The following GATD1 variants were observed in gnomAD, a reference collection of about 807,000 sequenced individuals.
GATD1 encodes the protein glutamine amidotransferase class 1 domain containing 1, also known as glutamine amidotransferase-like class 1 domain-containing protein 1.
Under a neutral mutation model 25.9 loss-of-function variants are expected in GATD1, and 23 were observed. The ratio of observed to expected loss-of-function variants is 0.89; its 90% CI spans 0.64 to 1.26. The LOEUF (loss-of-function observed/expected upper bound fraction) is 1.26, where lower values mean the gene tolerates loss of function less well. GATD1 is among the 50% of genes most tolerant of loss of function. The probability of loss-of-function intolerance (pLI) is 0.00; values close to 1 mark genes in which losing one functional copy is unlikely to be tolerated. For synonymous variants in GATD1, 177 were observed against 134.6 expected (o/e 1.31, Z -2.18); for missense variants, 347 against 312.5 (o/e 1.11, Z -0.83).
rs967847317 is a variant in GATD1, at chr11:767,629, C to T, written c.*3268G>A. 16 of 1,331,518 alleles carry T rather than the reference C, an allele frequency of 1.2e-5. No homozygotes were observed. Among genetic ancestry groups the T allele is most frequent in the Non-Finnish European group, 1.5e-5 (16 of 1,041,190 alleles). The allele number at this position is 1,331,518 out of a possible 1,614,324, so 82.5% of individuals were successfully genotyped here. ...CATGCACCCTGCTGTGGCCTGAGCA[C>T]GTCCCCCCAAAACCCACCTGCTTAA... On this transcript the variant is annotated 3_prime_UTR_variant, in exon 8 of 8. Transcript: ENST00000319863.
Position 770,468 on chromosome 11 carries a change from G to T in GATD1, c.*429C>A. On this transcript the variant is annotated 3_prime_UTR_variant, in exon 8 of 8. Coordinates refer to ENST00000319863, the MANE Select transcript of GATD1 (RefSeq NM_182612.4). Reference sequence around the variant, plus strand: ...CCGCCGGCTGGGCCCTCCCCTCAAGGCCCCCACCAACAGTGAAAGAGGTGG... The same window carrying T: ...CCGCCGGCTGGGCCCTCCCCTCAAGTCCCCCACCAACAGTGAAAGAGGTGG... 1 of 1,457,232 alleles carries T rather than the reference G, an allele frequency of 6.9e-7. No homozygotes were observed. Among genetic ancestry groups the T allele is most frequent in the South Asian group, 1.4e-5 (1 of 72,654 alleles). 90.3% of individuals were successfully genotyped at this position (1,457,232 alleles called of 1,614,324 possible).
In GATD1 at chr11:770,894, G is replaced by C. The variant is rs777668259; in HGVS notation, c.*3C>G. On this transcript the variant is annotated 3_prime_UTR_variant, in exon 8 of 8. Transcript: ENST00000319863. The stretch of plus-strand genomic sequence containing the variant: ...TCTCAGGGGGTGCATCTACCCAGCA[G>C]GTTCATTTCCTGCAGGACAGACGTG... 6 of 1,607,172 alleles carry C rather than the reference G, an allele frequency of 3.7e-6. No individual in the cohort carries two copies. Among genetic ancestry groups the C allele is most frequent in the Admixed American group, 1.7e-5 (1 of 59,764 alleles).
rs1393430527 is a variant in GATD1, at chr11:770,731, C to A, written c.*166G>T. ...TGGACCCTCCAGGAGAGCCGACACCCCCTCAGAGCTGATTCCAGGAGGCCT... is the reference window on the plus strand; with the variant it reads ...TGGACCCTCCAGGAGAGCCGACACCACCTCAGAGCTGATTCCAGGAGGCCT... On this transcript the variant is annotated 3_prime_UTR_variant, in exon 8 of 8. Transcript: ENST00000319863. The A allele has an allele frequency of 4.7e-6, 7 of 1,479,086 alleles. No individual in the cohort carries two copies. The highest frequency in any genetic ancestry group is 2.3e-5 in the East Asian group (1 of 42,898). The allele number at this position is 1,479,086 out of a possible 1,614,324, so 91.6% of individuals were successfully genotyped here.
intron 4 of GATD1, 180 bp from the exon 5 acceptor site, chr11:772,701 A>G (rs12223324): frequency 0.48 from 293,342 of 612,756 alleles, 71,774 homozygotes; most frequent in East Asian, 0.59. Context: ...CACAGCTGGC[A>G]TCAGGAATCT....
rs1388547207 is a variant in GATD1, at chr11:767,698, G to A, written c.*3199C>T. The A allele has an allele frequency of 8.9e-6, 9 of 1,014,146 alleles. No homozygotes were observed. The highest frequency in any genetic ancestry group is 9.0e-5 in the Admixed American group (2 of 22,150). 62.8% of individuals were successfully genotyped at this position (1,014,146 alleles called of 1,614,324 possible). On this transcript the variant is annotated 3_prime_UTR_variant, in exon 8 of 8. Coordinates refer to ENST00000319863, the MANE Select transcript of GATD1 (RefSeq NM_182612.4). The stretch of plus-strand genomic sequence containing the variant: ...ATGGTATTAGGTGGGGCATTTGGGA[G>A]GTCATCCGGTCACAGGGCAGGGGCA...
In GATD1 at chr11:770,008, G is replaced by A. The variant is rs991641535; in HGVS notation, c.*889C>T. The A allele has an allele frequency of 2.2e-5, 23 of 1,065,426 alleles. No individual in the cohort carries two copies. Among genetic ancestry groups the A allele is most frequent in the South Asian group, 4.5e-5 (1 of 22,080 alleles). The allele number at this position is 1,065,426 out of a possible 1,614,324, so 66.0% of individuals were successfully genotyped here. ...GCTTGGGAACGGCTGTGGCTGAGACGGGGAGGTGGGCAGGAAGAAGGCCTT... is the reference window on the plus strand; with the variant it reads ...GCTTGGGAACGGCTGTGGCTGAGACAGGGAGGTGGGCAGGAAGAAGGCCTT... On this transcript the variant is annotated 3_prime_UTR_variant, in exon 8 of 8. Coordinates refer to ENST00000319863, the MANE Select transcript of GATD1 (RefSeq NM_182612.4).
intron 2 of GATD1, 68 bp downstream of exon 2, chr11:774,998 T>C: frequency 2.1e-6 from 3 of 1,437,874 alleles, no homozygotes; most frequent in Non-Finnish European, 2.9e-6. Flanking sequence ...GGCAGTCTCC[T>C]GACCTTGCCC....
At position 772,628 on chromosome 11, in the gene GATD1, G is replaced by A. The variant is rs1471637437; in HGVS notation, c.356-107C>T. 1.1e-5 allele frequency: 11 copies of A among 1,018,628 alleles called. No homozygotes were observed. In the East Asian group the frequency reaches 2.8e-4, roughly 26 times the overall value. The allele number at this position is 1,018,628 out of a possible 1,614,324, so 63.1% of individuals were successfully genotyped here. On this transcript the variant is annotated intron_variant, in intron 4 of 7. Transcript: ENST00000319863. ...TCCCCCAGGCTTGTGCCGCCTGCCT[G>A]GCCCCTCCTCCCAGGTTTCCCTGGA...
chr11:773,120 A>G (rs1317634971), intron 4 of GATD1, among the ~76,000 whole-genome samples: 1 of 152,120 alleles, frequency 6.6e-6, no homozygotes, highest in Non-Finnish European at 1.5e-5. Flanking sequence ...CAGTGGACAC[A>G]CTCATCACAG....
At position 774,193 on chromosome 11, in the gene GATD1, C is replaced by A. The variant is rs561211044; in HGVS notation, c.142-80G>T. 2.7e-4 allele frequency: 332 copies of A among 1,245,564 alleles called. 2 individuals carry two copies. In the South Asian group the frequency reaches 3.8e-3, roughly 14 times the overall value. The allele number at this position is 1,245,564 out of a possible 1,614,324, so 77.2% of individuals were successfully genotyped here. ...CTCAGAGGGAGCCTGAAAAAGCTGA[C>A]AAGGGACCCAACAGCATCCCCCTGA... On this transcript the variant is annotated intron_variant, in intron 2 of 7. Transcript: ENST00000319863.
Position 767,405 on chromosome 11 carries a change from G to A in GATD1, c.*3492C>T, listed in dbSNP as rs1224440074. 2.0e-6 allele frequency: 3 copies of A among 1,528,466 alleles called. No homozygotes were observed. The highest frequency in any genetic ancestry group is 2.0e-5 in the Admixed American group (1 of 49,308). 94.7% of individuals were successfully genotyped at this position (1,528,466 alleles called of 1,614,324 possible). A position where few individuals can be genotyped will look rare whatever the true frequency, so the allele number is the denominator to read the frequency against. ...AAGAGAGAACTGTGCACAGCGGGGA[G>A]GCTCTCCAAGCCAGAGGCCTCGCAC... On this transcript the variant is annotated 3_prime_UTR_variant, in exon 8 of 8. Transcript: ENST00000319863.
At chr11:773,268 C>G in intron 4 of GATD1, 1 of 468,366 alleles carries the variant, frequency 2.1e-6, no homozygotes, top group South Asian at 2.5e-5. Context: ...CTGCCTTGCT[C>G]AGGAGGGCAT....
At chr11:774,359 C>A (rs1863754689) in intron 2 of GATD1, among the ~76,000 whole-genome samples, 2 of 152,254 alleles carry the variant, frequency 1.3e-5, no homozygotes, top group Non-Finnish European at 2.9e-5. Flanking sequence ...TAAACAAAAA[C>A]CCGCAGTGAC....
At chr11:772,066 T>A (rs1019006082) in intron 5 of GATD1, among the ~76,000 whole-genome samples, 1 of 152,160 alleles carries the variant, frequency 6.6e-6, no homozygotes, top group African/African-American at 2.4e-5. Context: ...GAGGACACCC[T>A]GGCTGGGCTC....
intron 1 of GATD1, 74 bp from the exon 2 acceptor site, chr11:775,216 C>T: frequency 7.7e-7 from 1 of 1,295,612 alleles, no homozygotes; most frequent in Non-Finnish European, 1.1e-6. Flanking sequence ...CCAGACACCC[C>T]CATGGCCTCG....
rs1208814834 is a variant in GATD1 at position 770,383 on chromosome 11, C to T, written c.*514G>A. ...CTGCCAGTGCCGGTCGGCCTTGGGGCAGGAGGCTGCTGCTCCTAAAAAATT... is the reference window on the plus strand; with the variant it reads ...CTGCCAGTGCCGGTCGGCCTTGGGGTAGGAGGCTGCTGCTCCTAAAAAATT... On this transcript the variant is annotated 3_prime_UTR_variant, in exon 8 of 8. Transcript: ENST00000319863. The T allele has an allele frequency of 1.3e-6, 2 of 1,529,702 alleles. No homozygotes were observed. The highest frequency in any genetic ancestry group is 1.4e-5 in the African/African-American group (1 of 72,734). 94.8% of individuals were successfully genotyped at this position (1,529,702 alleles called of 1,614,324 possible). A position where few individuals can be genotyped will look rare whatever the true frequency, so the allele number is the denominator to read the frequency against.
At position 771,029 on chromosome 11, in the gene GATD1, G is replaced by A. The variant is rs376915347; in HGVS notation, c.620C>T (p.Pro207Leu). Reference protein sequence around the residue: ...VTGQNASSTVPAVQNLLFLCG... With the variant: ...VTGQNASSTVLAVQNLLFLCG... ...GAGGAAGAGCAGGTTCTGCACGGCC[G>A]GGACAGTGGAGCTGGCATTCTGGCC... Residue 207 changes from proline to leucine, a missense_variant, in exon 7 of 8, where the codon CCG (proline) becomes CTG (leucine). Pro to Leu is a moderately conservative substitution (Grantham distance 98, BLOSUM62 -3). Coordinates refer to ENST00000319863, the MANE Select transcript of GATD1 (RefSeq NM_182612.4). The A allele has an allele frequency of 8.7e-6, 14 of 1,613,058 alleles. No individual in the cohort carries two copies. Among genetic ancestry groups the A allele is most frequent in the South Asian group, 3.3e-5 (3 of 91,046 alleles).
At chr11:775,163 T>G in intron 1 of GATD1, 21 bp from the exon 2 acceptor site, 1 of 1,585,470 alleles carries the variant, frequency 6.3e-7, no homozygotes, top group East Asian at 2.3e-5. Flanking sequence ...TCCCAGTGAG[T>G]GTGGGCTCGA....
At chr11:777,314 G>A (rs1342389344) in intron 1 of GATD1, 85 bp downstream of exon 1, 5 of 1,072,270 alleles carry the variant, frequency 4.7e-6, no homozygotes, top group Middle Eastern at 3.7e-4. Context: ...CACGTGACGC[G>A]CGCCCACCGT....
Sources: allele counts gnomAD v4.1 joint callset (sites outside exome capture counted in the v4.1 genomes callset), GRCh38; gene constraint gnomAD v4.1.1; transcripts MANE v1.5; gene names NCBI Gene and HGNC (gene_info 2026-07-23, HGNC 2026-07-21).